The following PDE3A variants were observed in gnomAD, a reference collection of about 807,000 sequenced individuals.
PDE3A encodes the protein phosphodiesterase 3A, also known as cGMP-inhibited 3',5'-cyclic phosphodiesterase 3A.
Under a neutral mutation model 98.3 loss-of-function variants are expected in PDE3A, and 43 were observed. The ratio of observed to expected loss-of-function variants is 0.44; its 90% CI spans 0.34 to 0.56. PDE3A has a LOEUF of 0.56. PDE3A is among the 20% of genes least tolerant of loss of function. PDE3A has a pLI of 0.01. For synonymous variants in PDE3A, 663 were observed against 567.9 expected (o/e 1.17, Z -2.38); for missense variants, 1,427 against 1,440.7 (o/e 0.99, Z 0.15).
At chr12:20,608,434 A>G (rs1469397371) in intron 2 of PDE3A, among the ~76,000 whole-genome samples, 5 of 152,052 alleles carry the variant, frequency 3.3e-5, no homozygotes, top group African/African-American at 4.8e-5. Flanking sequence ...GCTAATTTCA[A>G]TAAGGATAAT....
intron 1 of PDE3A, among the ~76,000 whole-genome samples, chr12:20,445,858 C>T (rs538890526): frequency 1.3e-5 from 2 of 152,098 alleles, no homozygotes; most frequent in Non-Finnish European, 2.9e-5. Context: ...ATCATTCATA[C>T]CGTACATCTC....
At position 20,663,184 on chromosome 12, in the gene PDE3A, A is replaced by T. The variant is rs183630412; in HGVS notation, c.3184+8979A>T. Reference sequence around the variant, plus strand: ...CTGGGAACCTCCACCTAGATTAAAGAGGATGTATGGCAATGCCTGGATGTC... The same window carrying T: ...CTGGGAACCTCCACCTAGATTAAAGTGGATGTATGGCAATGCCTGGATGTC... On this transcript the variant is annotated intron_variant, in intron 15 of 15. Coordinates refer to ENST00000359062, the MANE Select transcript of PDE3A (RefSeq NM_000921.5). Among the ~76,000 whole-genome samples the T allele has an allele frequency of 2.9e-3, 446 of 152,304 alleles. 3 individuals are homozygous for T. The highest frequency in any genetic ancestry group is 0.01 in the African/African-American group (430 of 41,560).
At chr12:20,457,232 T>G (rs1229090566) in intron 1 of PDE3A, among the ~76,000 whole-genome samples, 6 of 151,594 alleles carry the variant, frequency 4.0e-5, no homozygotes, top group African/African-American at 1.4e-4. Context: ...TTTTTCTATT[T>G]ATTGTTATTA....
chr12:20,561,817 A>G (rs936122433), intron 2 of PDE3A, among the ~76,000 whole-genome samples: 4 of 152,206 alleles, frequency 2.6e-5, no homozygotes, highest in Non-Finnish European at 5.9e-5. Context: ...AAAAATACCT[A>G]TCTCTCTTCT....
At chr12:20,415,798 T>C (rs926546772) in intron 1 of PDE3A, among the ~76,000 whole-genome samples, 1 of 152,202 alleles carries the variant, frequency 6.6e-6, no homozygotes. Context: ...TCAGGTTCTT[T>C]GGAGTCAGTG....
rs930356916 is a variant in PDE3A at position 20,684,615 on chromosome 12, C to T, written c.*4344C>T. Among the ~76,000 whole-genome samples, 2 of 152,090 alleles carry T rather than the reference C, an allele frequency of 1.3e-5. No homozygotes were observed. Among genetic ancestry groups the T allele is most frequent in the Non-Finnish European group, 2.9e-5 (2 of 68,018 alleles). ...ACATTTTATGACCATTGTCCTAGGT[C>T]GTTTGTGTCTTTATGAATTTGCTGA... On this transcript the variant is annotated 3_prime_UTR_variant, in exon 16 of 16. Coordinates refer to ENST00000359062, the MANE Select transcript of PDE3A (RefSeq NM_000921.5).
intron 9 of PDE3A, among the ~76,000 whole-genome samples, chr12:20,639,100 T>C (rs1348230252): frequency 6.6e-6 from 1 of 152,066 alleles, no homozygotes; most frequent in African/African-American, 2.4e-5. Context: ...GTGGTTATGA[T>C]AGCAGTCAGT....
chr12:20,529,941 CTT>C (rs1202478228), intron 1 of PDE3A, among the ~76,000 whole-genome samples: 78 of 152,020 alleles, frequency 5.1e-4, no homozygotes, highest in Admixed American at 5.0e-3. Flanking sequence ...AGAAATAAAA[CTT>C]TTTAATTTCT....
chr12:20,595,160 G>A lies in PDE3A; in HGVS notation c.1012-18283G>A, dbSNP rs184541265. 2.0e-3 allele frequency among the ~76,000 whole-genome samples: 309 copies of A among 152,214 alleles called. 1 individual carries two copies. Among genetic ancestry groups the A allele is most frequent in the Non-Finnish European group, 9.4e-4 (64 of 68,010 alleles). On this transcript the variant is annotated intron_variant, in intron 2 of 15. Coordinates refer to ENST00000359062, the MANE Select transcript of PDE3A (RefSeq NM_000921.5). ...TTAGTGAATTCAGCAATGTTATAAC[G>A]CACCTAGGTTTTTTATTCTCTCTAC...
intron 1 of PDE3A, among the ~76,000 whole-genome samples, chr12:20,500,940 G>C (rs1326127602): frequency 6.6e-6 from 1 of 151,712 alleles, no homozygotes; most frequent in Admixed American, 6.6e-5. Context: ...GCTAATTTTT[G>C]TATTTTTAGT....
chr12:20,441,431 T>C (rs1944869440), intron 1 of PDE3A, among the ~76,000 whole-genome samples: 1 of 152,164 alleles, frequency 6.6e-6, no homozygotes, highest in Admixed American at 6.6e-5. Context: ...ATAGTGCAAT[T>C]ATGTAATGGG....
chr12:20,527,309 C>T (rs764028751), intron 1 of PDE3A, among the ~76,000 whole-genome samples: 4 of 152,202 alleles, frequency 2.6e-5, no homozygotes, highest in Middle Eastern at 6.8e-3. Flanking sequence ...ATGGATCACT[C>T]GTTTCTAAAT....
At chr12:20,663,908 C>T (rs989264647) in intron 15 of PDE3A, among the ~76,000 whole-genome samples, 1 of 152,222 alleles carries the variant, frequency 6.6e-6, no homozygotes, top group Admixed American at 6.5e-5. Context: ...GGCTATGTCA[C>T]CACCCAAATC....
chr12:20,490,708 A>T (rs1945811999), intron 1 of PDE3A, among the ~76,000 whole-genome samples: 1 of 152,224 alleles, frequency 6.6e-6, no homozygotes, highest in Non-Finnish European at 1.5e-5. Flanking sequence ...TTGTTTAAAC[A>T]TTAGAAGTAT....
In PDE3A at chr12:20,430,049, T is replaced by G. The variant is rs1031158050; in HGVS notation, c.960+59805T>G. ...TGTGAACTGTAGTTAAACTCTTTTT[T>G]TTCCATGACTTGTAGCATATGGTAT... is the stretch of plus-strand genomic sequence containing the variant. On this transcript the variant is annotated intron_variant, in intron 1 of 15. Coordinates refer to ENST00000359062, the MANE Select transcript of PDE3A (RefSeq NM_000921.5). 3.9e-5 allele frequency among the ~76,000 whole-genome samples: 6 copies of G among 152,320 alleles called. No individual in the cohort carries two copies. The East Asian group carries it at 9.6e-4, about 24-fold the overall frequency.
chr12:20,409,721 A>T (rs1944299863), intron 1 of PDE3A, among the ~76,000 whole-genome samples: 1 of 152,184 alleles, frequency 6.6e-6, no homozygotes, highest in Non-Finnish European at 1.5e-5. Flanking sequence ...CATTATATGA[A>T]AGAGAGCTCA....
At chr12:20,400,379 G>GTTTTTTTTTTTTTTTTTTTTTTTTTT (rs75851941) in intron 1 of PDE3A, among the ~76,000 whole-genome samples, 3 of 110,264 alleles carry the variant, frequency 2.7e-5, no homozygotes, top group African/African-American at 4.2e-5. Context: ...GTTAACATTG[G>GTTTTTTTTTTTTTTTTTTTTTTTTTT]TTTTTTTTTT....
chr12:20,548,014 C>G (rs1265404307), intron 1 of PDE3A, among the ~76,000 whole-genome samples: 1 of 151,992 alleles, frequency 6.6e-6, no homozygotes, highest in African/African-American at 2.4e-5. Flanking sequence ...GTGTAACATA[C>G]TGTTAGCTGA....
intron 1 of PDE3A, among the ~76,000 whole-genome samples, chr12:20,404,683 A>G (rs1374131650): frequency 3.3e-5 from 5 of 152,296 alleles, no homozygotes; most frequent in African/African-American, 1.2e-4. Flanking sequence ...AGCAGTTCCT[A>G]AAAGTTTAAT....
Sources: gnomAD v4.1 joint callset for allele counts (sites outside exome capture counted in the v4.1 genomes callset) on GRCh38, gnomAD v4.1.1 for gene constraint, MANE v1.5 for transcripts, NCBI Gene and HGNC (gene_info 2026-07-23, HGNC 2026-07-21) for gene names.